PTPRT: variants seen among roughly 807,000 people sequenced by gnomAD.
The protein encoded by PTPRT is receptor-type tyrosine-protein phosphatase T.
PTPRT carries 56 observed loss-of-function variants against 176.8 expected under a neutral mutation model. That is an observed-to-expected ratio of 0.32 (90% CI 0.26 to 0.40). The LOEUF (loss-of-function observed/expected upper bound fraction) is 0.40. PTPRT is among the 10% of genes least tolerant of loss of function. PTPRT has a pLI of 1.00. For missense variants in PTPRT, 1,540 were observed against 1,908.2 expected (o/e 0.81, Z 3.60); for synonymous variants, 783 against 739.0 (o/e 1.06, Z -0.96).
At chr20:42,873,645 C>T (rs972481110) in intron 2 of PTPRT, among the ~76,000 whole-genome samples, 1 of 152,156 alleles carries the variant, frequency 6.6e-6, no homozygotes, top group Non-Finnish European at 1.5e-5. Flanking sequence ...ATGTAATCAA[C>T]ATAAACATTA....
chr20:42,886,049 C>CAATA, intron 1 of PTPRT, 117 bp from the exon 2 acceptor site: 1 of 431,228 alleles, frequency 2.3e-6, no homozygotes. Context: ...AGAAGATTTT[C>CAATA]CATATATATA....
At chr20:43,073,246 T>C (rs2011204860) in intron 1 of PTPRT, among the ~76,000 whole-genome samples, 1 of 152,224 alleles carries the variant, frequency 6.6e-6, no homozygotes, top group Non-Finnish European at 1.5e-5. Flanking sequence ...AAATATACAA[T>C]GGATGTATTA....
chr20:42,861,181 C>A (rs979377486), intron 2 of PTPRT, among the ~76,000 whole-genome samples: 1 of 152,180 alleles, frequency 6.6e-6, no homozygotes, highest in Admixed American at 6.5e-5. Flanking sequence ...AACACTTTAG[C>A]ACCATTTCTA....
At chr20:42,829,014 G>A (rs148388840) in intron 2 of PTPRT, among the ~76,000 whole-genome samples, 84 of 149,868 alleles carry the variant, frequency 5.6e-4, no homozygotes, top group African/African-American at 2.0e-3. Context: ...TGCACCATGT[G>A]CCTGGAAAAA....
intron 8 of PTPRT, among the ~76,000 whole-genome samples, chr20:42,459,798 C>T (rs1338012881): frequency 1.3e-5 from 2 of 150,684 alleles, no homozygotes; most frequent in African/African-American, 4.8e-5. Context: ...TCAAGCAGTC[C>T]TCCCACTTCA....
intron 1 of PTPRT, among the ~76,000 whole-genome samples, chr20:43,066,646 T>C (rs534299122): frequency 4.6e-5 from 7 of 152,278 alleles, no homozygotes; most frequent in African/African-American, 1.7e-4. Flanking sequence ...CTACCTCACC[T>C]TAGGTCACCT....
intron 1 of PTPRT, among the ~76,000 whole-genome samples, chr20:43,083,320 GTATA>G (rs779087395): frequency 0.039 from 1,432 of 36,384 alleles, 17 homozygotes; most frequent in Non-Finnish European, 0.066. Context: ...CACTTCAAAT[GTATA>G]TATATATATA....
At position 42,701,894 on chromosome 20, in the gene PTPRT, T is replaced by C. The variant is rs545338923; in HGVS notation, c.860-23735A>G. 7.2e-5 allele frequency among the ~76,000 whole-genome samples: 11 copies of C among 152,260 alleles called. No homozygotes were observed. In the East Asian group the frequency reaches 1.5e-3, roughly 21 times the overall value. ...AACAGCTAGATCTAGAGTTCTTGTT[T>C]CTGCCCATTTTACAGATACGAGCAC... On this transcript the variant is annotated intron_variant, in intron 6 of 30. Coordinates refer to ENST00000373187, the MANE Select transcript of PTPRT (RefSeq NM_007050.6).
At chr20:42,424,010 CT>C (rs2145779176) in intron 9 of PTPRT, among the ~76,000 whole-genome samples, 1 of 152,236 alleles carries the variant, frequency 6.6e-6, no homozygotes, top group African/African-American at 2.4e-5. Context: ...AAACAACTAA[CT>C]TTTTAAAACA....
chr20:42,257,222 C>T (rs2056657430), intron 13 of PTPRT, among the ~76,000 whole-genome samples: 2 of 152,264 alleles, frequency 1.3e-5, no homozygotes, highest in South Asian at 4.1e-4. Flanking sequence ...TTGATTTTAG[C>T]CAAGTCAAGG....
rs372104210 is a variant in PTPRT at position 42,128,667 on chromosome 20, C to T, written c.2847+87G>A. Reference sequence around the variant, plus strand: ...AGGATCCAGACTGCTCTGGAAGGGCCACCTTCTGGAGGAGAGTTTGGGGTA... The same window carrying T: ...AGGATCCAGACTGCTCTGGAAGGGCTACCTTCTGGAGGAGAGTTTGGGGTA... On this transcript the variant is annotated intron_variant, in intron 19 of 30. Coordinates refer to ENST00000373187, the MANE Select transcript of PTPRT (RefSeq NM_007050.6). The T allele has an allele frequency of 1.7e-3, 2,059 of 1,234,870 alleles. 8 individuals carry two copies. Among genetic ancestry groups the T allele is most frequent in the Middle Eastern group, 0.012 (48 of 3,864 alleles). 76.5% of individuals were successfully genotyped at this position (1,234,870 alleles called of 1,614,324 possible).
chr20:42,353,321 C>G (rs570336724), intron 9 of PTPRT, among the ~76,000 whole-genome samples: 4 of 152,164 alleles, frequency 2.6e-5, no homozygotes, highest in Non-Finnish European at 5.9e-5. Context: ...TTTTTGTCTT[C>G]CTCAAATCCT....
rs539257218 is a variant in PTPRT at position 42,191,340 on chromosome 20, C to A, written c.2491+7900G>T. On this transcript the variant is annotated intron_variant, in intron 16 of 30. Transcript: ENST00000373187. ...AGCCATGATTTCTACATTAGGCAGTCACGTGATGAATATTTAGAGGTTAAT... is the reference window on the plus strand; with the variant it reads ...AGCCATGATTTCTACATTAGGCAGTAACGTGATGAATATTTAGAGGTTAAT... 9.9e-5 allele frequency among the ~76,000 whole-genome samples: 15 copies of A among 152,260 alleles called. 1 individual carries two copies. The East Asian group carries it at 2.9e-3, about 29-fold the overall frequency.
intron 11 of PTPRT, among the ~76,000 whole-genome samples, chr20:42,327,535 T>G: frequency 6.6e-6 from 1 of 152,030 alleles, no homozygotes; most frequent in Admixed American, 6.6e-5. Flanking sequence ...AAACTAAAGG[T>G]TTTGAAGCGT....
intron 1 of PTPRT, chr20:42,971,031 A>C (rs1982605484): frequency 6.6e-6 from 1 of 152,244 alleles, no homozygotes; most frequent in Non-Finnish European, 1.5e-5. Flanking sequence ...TTGCAAGAGA[A>C]GTGCTGTGCA....
At chr20:42,315,184 CAAAAAAAAAA>C (rs71193656) in intron 12 of PTPRT, among the ~76,000 whole-genome samples, 5 of 63,404 alleles carry the variant, frequency 7.9e-5, no homozygotes, top group East Asian at 4.5e-4. Context: ...GGCTCCGTCT[CAAAAAAAAAA>C]AAAAAAAAAA....
chr20:42,733,901 T>A (rs964897414), intron 6 of PTPRT, among the ~76,000 whole-genome samples: 2 of 152,102 alleles, frequency 1.3e-5, no homozygotes, highest in African/African-American at 2.4e-5. Context: ...GCTCTGGCAA[T>A]GTGGGCAGGA....
At chr20:42,376,779 G>C (rs758657187) in intron 9 of PTPRT, among the ~76,000 whole-genome samples, 2 of 152,146 alleles carry the variant, frequency 1.3e-5, no homozygotes. Flanking sequence ...AGCCTGGGGA[G>C]TACGAAAAAA....
At chr20:43,078,265 G>A (rs935373953) in intron 1 of PTPRT, among the ~76,000 whole-genome samples, 1 of 152,158 alleles carries the variant, frequency 6.6e-6, no homozygotes, top group African/African-American at 2.4e-5. Context: ...ATCTGGTTTT[G>A]GCACCAGTGT....
Sources: gnomAD v4.1 joint callset for allele counts (sites outside exome capture counted in the v4.1 genomes callset) on GRCh38, gnomAD v4.1.1 for gene constraint, MANE v1.5 for transcripts, NCBI Gene and HGNC (gene_info 2026-07-23, HGNC 2026-07-21) for gene names.